The following FAM227B variants were observed in gnomAD, a reference collection of about 807,000 sequenced individuals.
The protein encoded by FAM227B is family with sequence similarity 227 member B.
FAM227B carries 88 observed loss-of-function variants against 73.8 expected under a neutral mutation model. The observed-to-expected ratio is 1.19, with a 90% CI of 1.00 to 1.42. The LOEUF is 1.42. Ranked by LOEUF, FAM227B falls within the 40% of genes most tolerant of loss-of-function variation. FAM227B has a pLI of 0.00. For missense variants in FAM227B, 632 were observed against 590.9 expected (o/e 1.07, Z -0.72); for synonymous variants, 210 against 190.5 (o/e 1.10, Z -0.84).
intron 11 of FAM227B, among the ~76,000 whole-genome samples, chr15:49,501,039 C>T (rs1281406105): frequency 1.3e-5 from 2 of 152,200 alleles, no homozygotes; most frequent in African/African-American, 2.4e-5. Flanking sequence ...GCATCCAGAA[C>T]CATGAGCCAA....
chr15:49,416,574 G>A (rs1555474490), intron 11 of FAM227B, among the ~76,000 whole-genome samples: 1 of 152,078 alleles, frequency 6.6e-6, no homozygotes, highest in Non-Finnish European at 1.5e-5. Context: ...AAACTACCCT[G>A]TTTGCAGATG....
intron 11 of FAM227B, among the ~76,000 whole-genome samples, chr15:49,402,040 C>G (rs1472116361): frequency 6.6e-6 from 1 of 151,990 alleles, no homozygotes; most frequent in East Asian, 1.9e-4. Flanking sequence ...AACTGCATTC[C>G]AGCTCTGATC....
chr15:49,399,235 A>T (rs2151621002), intron 11 of FAM227B, among the ~76,000 whole-genome samples: 1 of 131,842 alleles, frequency 7.6e-6, no homozygotes, highest in East Asian at 2.1e-4. Context: ...ATGCAAATAA[A>T]CTAGAAAATC....
intron 6 of FAM227B, chr15:49,577,239 G>C (rs1199934990): frequency 2.9e-6 from 1 of 339,892 alleles, no homozygotes; most frequent in South Asian, 2.4e-5. Context: ...AGAGGTTGCA[G>C]TGAGCCACGG....
At chr15:49,347,600 G>A (rs1056970502) in intron 13 of FAM227B, among the ~76,000 whole-genome samples, 1 of 152,046 alleles carries the variant, frequency 6.6e-6, no homozygotes, top group Non-Finnish European at 1.5e-5. Context: ...TGGTATCTAG[G>A]TGCAGTTGAG....
intron 11 of FAM227B, among the ~76,000 whole-genome samples, chr15:49,440,839 A>G (rs2051568972): frequency 6.6e-6 from 1 of 151,738 alleles, no homozygotes; most frequent in Admixed American, 6.6e-5. Context: ...GTTATATAAC[A>G]TTCTGAAGTT....
At chr15:49,376,296 T>G (rs539653315) in intron 11 of FAM227B, among the ~76,000 whole-genome samples, 10 of 152,212 alleles carry the variant, frequency 6.6e-5, no homozygotes, top group Admixed American at 2.6e-4. Context: ...AGTTAAATTT[T>G]GTATATTGTG....
intron 3 of FAM227B, among the ~76,000 whole-genome samples, chr15:49,601,379 T>G (rs557769380): frequency 2.0e-5 from 3 of 152,086 alleles, no homozygotes; most frequent in Non-Finnish European, 2.9e-5. Context: ...CAACTTCATA[T>G]GTACCACATA....
intron 1 of FAM227B, among the ~76,000 whole-genome samples, chr15:49,618,071 T>C (rs1176632364): frequency 1.3e-5 from 2 of 152,122 alleles, no homozygotes; most frequent in Non-Finnish European, 2.9e-5. Flanking sequence ...ACCCAGACAA[T>C]CCAGGGTAAT....
chr15:49,505,524 T>A (rs1041804783), intron 11 of FAM227B, among the ~76,000 whole-genome samples: 2 of 152,116 alleles, frequency 1.3e-5, no homozygotes, highest in African/African-American at 4.8e-5. Flanking sequence ...CACGGGGGTG[T>A]ATATGTAACT....
intron 11 of FAM227B, among the ~76,000 whole-genome samples, chr15:49,492,243 C>T (rs1028396522): frequency 1.3e-5 from 2 of 151,852 alleles, no homozygotes; most frequent in African/African-American, 4.8e-5. Context: ...GTCCTGTATA[C>T]AATTTAAATA....
Position 49,366,503 on chromosome 15 carries a change from G to C in FAM227B, c.1271+945C>G, listed in dbSNP as rs2045216287. ...GGAAGTCAGATTCATCAAACTAATG[G>C]AAGTTGCATTTTCTAGGGTACTTGG... On this transcript the variant is annotated intron_variant, in intron 13 of 15. Transcript: ENST00000299338. 2.3e-6 allele frequency: 3 copies of C among 1,284,366 alleles called. No homozygotes were observed. In the South Asian group the frequency reaches 3.5e-5, roughly 15 times the overall value. The allele number at this position is 1,284,366 out of a possible 1,614,324, so 79.6% of individuals were successfully genotyped here.
intron 11 of FAM227B, among the ~76,000 whole-genome samples, chr15:49,441,833 G>A (rs956515819): frequency 1.3e-5 from 2 of 151,264 alleles, no homozygotes; most frequent in Non-Finnish European, 3.0e-5. Flanking sequence ...TCAGTCACAT[G>A]ACTAATTGCA....
At chr15:49,490,353 C>G (rs1266853836) in intron 11 of FAM227B, among the ~76,000 whole-genome samples, 2 of 151,880 alleles carry the variant, frequency 1.3e-5, no homozygotes, top group Non-Finnish European at 2.9e-5. Context: ...AACAGAGCAG[C>G]CAAAGTGATT....
intron 11 of FAM227B, among the ~76,000 whole-genome samples, chr15:49,372,318 G>A (rs2045900884): frequency 1.3e-5 from 2 of 150,934 alleles, no homozygotes; most frequent in African/African-American, 2.4e-5. Flanking sequence ...TGTCATCCTC[G>A]CAAACCATTC....
chr15:49,586,801 A>T (rs1490306332), intron 5 of FAM227B, among the ~76,000 whole-genome samples: 1 of 152,186 alleles, frequency 6.6e-6, no homozygotes, highest in Non-Finnish European at 1.5e-5. Context: ...ATCATTAGAG[A>T]AGTGCAAATC....
intron 13 of FAM227B, among the ~76,000 whole-genome samples, chr15:49,344,555 G>T (rs916151027): frequency 3.3e-5 from 5 of 152,160 alleles, no homozygotes; most frequent in African/African-American, 1.2e-4. Flanking sequence ...AGCGAGGGAG[G>T]ACTGTAACTC....
At chr15:49,402,132 C>T (rs1180867922) in intron 11 of FAM227B, among the ~76,000 whole-genome samples, 1 of 152,136 alleles carries the variant, frequency 6.6e-6, no homozygotes, top group Admixed American at 6.5e-5. Context: ...TGACAAGTAA[C>T]ATCATCTTCA....
intron 14 of FAM227B, 46 bp downstream of exon 14, chr15:49,335,372 TA>T (rs757621528): frequency 1.6e-6 from 2 of 1,283,050 alleles, no homozygotes; most frequent in Non-Finnish European, 2.2e-6. Context: ...TTTCCAGTTC[TA>T]AAAAAGTATT....
Sources: gnomAD v4.1 joint callset for allele counts (sites outside exome capture counted in the v4.1 genomes callset) on GRCh38, gnomAD v4.1.1 for gene constraint, MANE v1.5 for transcripts, NCBI Gene and HGNC (gene_info 2026-07-23, HGNC 2026-07-21) for gene names.